The following BCL11A variants were observed in gnomAD, a reference collection of about 807,000 sequenced individuals.
BCL11A encodes the protein BCL11 transcription factor A, also known as B cell CLL/lymphoma 11A.
BCL11A carries 2 observed loss-of-function variants against 55.9 expected under a neutral mutation model. That is an observed-to-expected ratio of 0.04 (90% confidence interval 0.01 to 0.11). BCL11A has a LOEUF of 0.11. Among genes scored for constraint, BCL11A ranks in the 10% least tolerant of loss-of-function variants. The probability of loss-of-function intolerance (pLI) is 1.00; values close to 1 mark genes in which losing one functional copy is unlikely to be tolerated. For synonymous variants in BCL11A, 465 were observed against 473.4 expected (o/e 0.98, Z 0.23); for missense variants, 817 against 1,137.1 (o/e 0.72, Z 4.05).
intron 2 of BCL11A, among the ~76,000 whole-genome samples, chr2:60,512,388 T>C (rs1680034189): frequency 6.6e-6 from 1 of 152,212 alleles, no homozygotes; most frequent in Non-Finnish European, 1.5e-5. Context: ...TGAGCTTTCC[T>C]GGCTGCACAT....
At chr2:60,530,767 C>T (rs1021931413) in intron 2 of BCL11A, among the ~76,000 whole-genome samples, 3 of 151,992 alleles carry the variant, frequency 2.0e-5, no homozygotes, top group East Asian at 1.9e-4. Flanking sequence ...GCCTGGCCCT[C>T]GGCCAAGTTC....
At chr2:60,505,090 C>T (rs758418902) in intron 2 of BCL11A, among the ~76,000 whole-genome samples, 1 of 152,078 alleles carries the variant, frequency 6.6e-6, no homozygotes, top group South Asian at 2.1e-4. Flanking sequence ...TGCCTCTTCA[C>T]AGGGTTACTC....
chr2:60,463,391 T>C (rs1322759260), intron 3 of BCL11A, among the ~76,000 whole-genome samples: 1 of 152,250 alleles, frequency 6.6e-6, no homozygotes, highest in African/African-American at 2.4e-5. Flanking sequence ...CTCCTCCTCA[T>C]TGTTTTGAGA....
intron 1 of BCL11A, among the ~76,000 whole-genome samples, chr2:60,548,082 T>G (rs528295369): frequency 1.3e-5 from 2 of 152,248 alleles, no homozygotes; most frequent in African/African-American, 4.8e-5. Context: ...TGCCTTAATG[T>G]CATTCTTCTC....
intron 2 of BCL11A, chr2:60,543,528 G>A (rs1276045261): frequency 1.3e-5 from 2 of 152,160 alleles, no homozygotes; most frequent in African/African-American, 2.4e-5. Context: ...CCAGAACTTC[G>A]CTTCAGGGGC....
intron 2 of BCL11A, among the ~76,000 whole-genome samples, chr2:60,482,339 C>A (rs1203025392): frequency 6.6e-6 from 1 of 152,010 alleles, no homozygotes; most frequent in Non-Finnish European, 1.5e-5. Flanking sequence ...ATACATGGAG[C>A]AGAGCCGAGA....
chr2:60,481,690 A>G (rs569291858), intron 2 of BCL11A, among the ~76,000 whole-genome samples: 2 of 152,108 alleles, frequency 1.3e-5, no homozygotes, highest in South Asian at 4.2e-4. Flanking sequence ...TCTTTTCCCC[A>G]CATGCTCCAG....
Position 60,546,394 on chromosome 2 carries a change from C to T in BCL11A, c.56-94G>A. On this transcript the variant is annotated intron_variant, in intron 1 of 3. Coordinates refer to ENST00000642384, the MANE Select transcript of BCL11A (RefSeq NM_022893.4). This position sits in a 1 kb window ranked among gnomAD's most constrained non-coding sequence, Gnocchi z 4.1. ...TCAACCCCATGCCATCCCACCACAT[C>T]ATGTAAAGTGTTTCTAGGCTTCTCT... 9.6e-7 allele frequency: 1 copy of T among 1,045,210 alleles called. No homozygotes were observed. The highest frequency in any genetic ancestry group is 1.4e-6 in the Non-Finnish European group (1 of 711,514). 64.7% of individuals were successfully genotyped at this position (1,045,210 alleles called of 1,614,324 possible).
chr2:60,468,083 G>GTGA (rs1676979785), intron 3 of BCL11A, among the ~76,000 whole-genome samples: 2 of 148,014 alleles, frequency 1.4e-5, no homozygotes, highest in Non-Finnish European at 3.0e-5. Flanking sequence ...AGTGATGGTG[G>GTGA]TGGTTGTGGT....
chr2:60,502,837 G>C (rs529568322), intron 2 of BCL11A, among the ~76,000 whole-genome samples: 1 of 152,192 alleles, frequency 6.6e-6, no homozygotes, highest in Non-Finnish European at 1.5e-5. Context: ...GACCAGGGGA[G>C]GTACTTAATC....
chr2:60,535,815 G>C (rs543063251), intron 2 of BCL11A: 4 of 152,314 alleles, frequency 2.6e-5, no homozygotes, highest in African/African-American at 9.6e-5. Flanking sequence ...GACATCAGCT[G>C]ACATTCAGAA....
At chr2:60,466,778 CT>C (rs146402255) in intron 3 of BCL11A, among the ~76,000 whole-genome samples, 1 of 151,258 alleles carries the variant, frequency 6.6e-6, no homozygotes, top group African/African-American at 2.4e-5. Context: ...TTTTCCTTTT[CT>C]TTTTTTTTCT....
chr2:60,486,202 G>C (rs1382748007), intron 2 of BCL11A, among the ~76,000 whole-genome samples: 2 of 152,100 alleles, frequency 1.3e-5, no homozygotes, highest in African/African-American at 4.8e-5. Context: ...GGGATTTCAG[G>C]GTCCTTGTTC....
downstream of BCL11A, chr2:60,452,310 A>ATG: frequency 2.7e-6 from 1 of 371,122 alleles, no homozygotes; most frequent in Non-Finnish European, 5.0e-6. Context: ...ATCACTCATG[A>ATG]CAGCGATGGT....
At position 60,460,969 on chromosome 2, in the gene BCL11A, G is replaced by T; in HGVS notation, c.1943C>A (p.Ala648Glu). 2 of 1,610,386 alleles carry T rather than the reference G, an allele frequency of 1.2e-6. No homozygotes were observed. Among genetic ancestry groups the T allele is most frequent in the Non-Finnish European group, 1.7e-6 (2 of 1,178,056 alleles). ...LEKEFDLPPA[A>E]MPNTENVYSQ... ...GTACACGTTCTCCGTGTTGGGCATC[G>T]CGGCCGGGGGCAGGTCGAACTCCTT... Residue 648 changes from alanine (A) to glutamate (E), a missense_variant, in exon 4 of 4, where the codon GCG (alanine) becomes GAG (glutamate). Physicochemically the swap from Ala to Glu is moderately radical, Grantham distance 107. Coordinates refer to ENST00000642384, the MANE Select transcript of BCL11A (RefSeq NM_022893.4).
At chr2:60,515,292 T>C (rs1668683238) in intron 2 of BCL11A, among the ~76,000 whole-genome samples, 1 of 152,178 alleles carries the variant, frequency 6.6e-6, no homozygotes, top group African/African-American at 2.4e-5. Context: ...CCTCACACCT[T>C]CCCTGGACAG....
chr2:60,520,168 G>A (rs1422054436), intron 2 of BCL11A, among the ~76,000 whole-genome samples: 3 of 152,130 alleles, frequency 2.0e-5, no homozygotes, highest in Non-Finnish European at 2.9e-5. Context: ...TATTGATTAG[G>A]TAGGAATCAA....
intron 2 of BCL11A, among the ~76,000 whole-genome samples, chr2:60,474,283 C>T (rs955807761): frequency 1.3e-5 from 2 of 151,806 alleles, no homozygotes; most frequent in Non-Finnish European, 2.9e-5. Context: ...CAAGCTGTGT[C>T]TTTAACATAA....
intron 2 of BCL11A, chr2:60,526,278 A>G (rs1189461899): frequency 6.6e-6 from 1 of 152,228 alleles, no homozygotes; most frequent in Non-Finnish European, 1.5e-5. Flanking sequence ...TCCCCAAAAG[A>G]TTTTTAAATA....
Sources: gnomAD v4.1 joint callset for allele counts (sites outside exome capture counted in the v4.1 genomes callset) on GRCh38, gnomAD v4.1.1 for gene constraint, Gnocchi (gnomAD v3.1) non-coding constraint, MANE v1.5 for transcripts, NCBI Gene and HGNC (gene_info 2026-07-23, HGNC 2026-07-21) for gene names.